IQANK1: variants seen among roughly 807,000 people sequenced by gnomAD.
IQANK1 encodes the protein IQ motif and ankyrin repeat domain-containing protein 1.
A neutral mutation model predicts 22.6 loss-of-function variants in IQANK1; 30 were observed. The ratio of observed to expected loss-of-function variants is 1.33; its 90% CI spans 0.99 to 1.80. IQANK1 has a LOEUF of 1.80. Among genes scored for constraint, IQANK1 ranks in the 40% most tolerant of loss-of-function variants. The probability of loss-of-function intolerance (pLI) is 0.00; values close to 1 mark genes in which losing one functional copy is unlikely to be tolerated. For synonymous variants in IQANK1, 122 were observed against 99.6 expected (o/e 1.23, Z -1.34); for missense variants, 275 against 235.2 (o/e 1.17, Z -1.11).
intron 3 of IQANK1, among the ~76,000 whole-genome samples, chr8:143,740,827 G>A (rs537678705): frequency 1.3e-5 from 2 of 152,380 alleles, no homozygotes; most frequent in East Asian, 3.9e-4. Context: ...ACCCTGTCCT[G>A]AGGACGGGAG....
At chr8:143,742,647 C>T in intron 3 of IQANK1, 1 of 456,048 alleles carries the variant, frequency 2.2e-6, no homozygotes, top group Admixed American at 2.3e-5. Flanking sequence ...AGAATAGCCT[C>T]CACCAGGAAG....
In IQANK1 at chr8:143,789,044, G is replaced by C; in HGVS notation, c.919G>C (p.Glu307Gln). ...AQEAQRHKEA[E>Q]AERCGSMTLK... ...GGAGGCCCAGAGGCACAAGGAGGCC[G>C]AGGCTGAGCGGTGTGGAAGGCAGGA... Residue 307 changes from glutamate to glutamine, a missense_variant, in exon 8 of 14, where the codon GAG (glutamate) becomes CAG (glutamine). Physicochemically the swap from Glu to Gln is conservative, Grantham distance 29. Transcript: ENST00000527139. 1 of 400,558 alleles carries C rather than the reference G, an allele frequency of 2.5e-6. No individual in the cohort carries two copies. The highest frequency in any genetic ancestry group is 3.6e-5 in the East Asian group (1 of 28,072). 24.8% of individuals were successfully genotyped at this position (400,558 alleles called of 1,614,324 possible). A position where few individuals can be genotyped will look rare whatever the true frequency, so the allele number is the denominator to read the frequency against.
intron 3 of IQANK1, among the ~76,000 whole-genome samples, chr8:143,748,906 C>T (rs1235010186): frequency 3.1e-5 from 1 of 32,714 alleles, no homozygotes; most frequent in South Asian, 1.1e-3. Flanking sequence ...TAAAAATATA[C>T]ATATATATCT....
chr8:143,736,388 G>A (rs1199729696), intron 2 of IQANK1, among the ~76,000 whole-genome samples: 3 of 151,942 alleles, frequency 2.0e-5, no homozygotes, highest in East Asian at 3.9e-4. Flanking sequence ...CAGGTGATCC[G>A]CCCGCCTCGG....
Position 143,735,730 on chromosome 8 carries a change from C to G in IQANK1, c.-4-120C>G. ...ACCAGCTGGGAAGCCTCAGGGGAGCCCATGTTCCTGCTGTCATCCACTCAG... is the reference window on the plus strand; with the variant it reads ...ACCAGCTGGGAAGCCTCAGGGGAGCGCATGTTCCTGCTGTCATCCACTCAG... On this transcript the variant is annotated intron_variant, in intron 1 of 13. Coordinates refer to ENST00000527139, the MANE Select transcript of IQANK1 (RefSeq NM_001381874.1). This position sits in a 1 kb window ranked among gnomAD's most constrained non-coding sequence, Gnocchi z 5.2. The G allele has an allele frequency of 1.6e-6, 1 of 640,144 alleles. No homozygotes were observed. Among genetic ancestry groups the G allele is most frequent in the Admixed American group, 2.2e-5 (1 of 45,864 alleles). 39.7% of individuals were successfully genotyped at this position (640,144 alleles called of 1,614,324 possible).
chr8:143,771,527 C>A lies in IQANK1; in HGVS notation c.215C>A (p.Ala72Asp). The A allele has an allele frequency of 1.3e-5, 5 of 398,190 alleles. No homozygotes were observed. The highest frequency in any genetic ancestry group is 1.8e-5 in the Non-Finnish European group (4 of 225,794). The allele number at this position is 398,190 out of a possible 1,614,324, so 24.7% of individuals were successfully genotyped here. A position where few individuals can be genotyped will look rare whatever the true frequency, so the allele number is the denominator to read the frequency against. ...CGAGCGGCCAGAGCGATCCAGGGCG[C>A]CTTCCGGCAGCTCCGGGCCAGGAGG... ...EDRAARAIQG[A>D]FRQLRARREL... is the part of the protein sequence containing the mutation. Residue 72 changes from alanine to aspartate, a missense_variant, in exon 4 of 14, where the codon GCC becomes GAC. Transcript: ENST00000527139. The surrounding 1 kb of genome is among the most constrained non-coding windows in gnomAD (Gnocchi z 6.0).
intron 7 of IQANK1, among the ~76,000 whole-genome samples, chr8:143,773,319 A>AC (rs1563777422): frequency 8.8e-4 from 95 of 108,402 alleles, no homozygotes; most frequent in African/African-American, 3.7e-3. Flanking sequence ...AAAAAAAACA[A>AC]AAAAAACACA....
chr8:143,750,395 C>T (rs1819166584), intron 3 of IQANK1, among the ~76,000 whole-genome samples: 1 of 152,032 alleles, frequency 6.6e-6, no homozygotes, highest in African/African-American at 2.4e-5. Context: ...ATATCTTTTT[C>T]TATGTTTTCA....
At position 143,790,367 on chromosome 8, in the gene IQANK1, TGTTCGA is replaced by T; in HGVS notation, c.1443_1448del (p.Phe482_Asp483del). ...TGGGGCAGGTATGGGAAGCCGCTGG[TGTTCGA>T]CCTGCGAGAGGAAGACCTGTTCCCA... On this transcript the variant is annotated inframe_deletion, in exon 14 of 14. Transcript: ENST00000527139. 1 of 1,086,632 alleles carries T rather than the reference TGTTCGA, an allele frequency of 9.2e-7. No individual in the cohort carries two copies. Among genetic ancestry groups the T allele is most frequent in the Non-Finnish European group, 1.2e-6 (1 of 855,858 alleles). 67.3% of individuals were successfully genotyped at this position (1,086,632 alleles called of 1,614,324 possible).
chr8:143,752,996 G>GTTTTTTTTTTTTTTTTTT (rs34993930), intron 3 of IQANK1, among the ~76,000 whole-genome samples: 1 of 69,904 alleles, frequency 1.4e-5, no homozygotes, highest in Non-Finnish European at 2.4e-5. Flanking sequence ...CTCTCTGTTC[G>GTTTTTTTTTTTTTTTTTT]TTTTTTTTTT....
At chr8:143,770,779 C>G (rs1819556581) in intron 3 of IQANK1, among the ~76,000 whole-genome samples, 1 of 152,282 alleles carries the variant, frequency 6.6e-6, no homozygotes. Context: ...GGAAGCGCCA[C>G]AAGCGCCCCA....
chr8:143,782,468 T>C (rs1554631028), intron 7 of IQANK1, among the ~76,000 whole-genome samples: 1 of 151,964 alleles, frequency 6.6e-6, no homozygotes, highest in African/African-American at 2.4e-5. Flanking sequence ...ACTTTCTTGC[T>C]TTTCTTTTTT....
At chr8:143,762,028 G>A (rs541993307) in intron 3 of IQANK1, among the ~76,000 whole-genome samples, 1 of 152,222 alleles carries the variant, frequency 6.6e-6, no homozygotes, top group South Asian at 2.1e-4. Context: ...GATTATGGGT[G>A]TCCAATCATT....
At chr8:143,752,996 G>GGTTTTTTTTTTT (rs368071885) in intron 3 of IQANK1, among the ~76,000 whole-genome samples, 1 of 69,904 alleles carries the variant, frequency 1.4e-5, no homozygotes, top group African/African-American at 6.2e-5. Context: ...CTCTCTGTTC[G>GGTTTTTTTTTTT]TTTTTTTTTT....
intron 7 of IQANK1, among the ~76,000 whole-genome samples, chr8:143,784,596 T>A (rs868925093): frequency 6.6e-6 from 1 of 152,250 alleles, no homozygotes; most frequent in South Asian, 2.1e-4. Flanking sequence ...AAAATGAGTT[T>A]ATTTTTTACT....
intron 3 of IQANK1, chr8:143,745,303 C>T (rs958557205): frequency 6.6e-6 from 1 of 152,254 alleles, no homozygotes; most frequent in Admixed American, 6.5e-5. Flanking sequence ...CAGAATCCCA[C>T]ATCCCAGTTG....
rs1396633599 is a variant in IQANK1 at position 143,790,124 on chromosome 8, T to G, written c.1290-13T>G. On this transcript the variant is annotated splice_polypyrimidine_tract_variant and intron_variant, in intron 12 of 13. Coordinates refer to ENST00000527139, the MANE Select transcript of IQANK1 (RefSeq NM_001381874.1). ...GTTTGGACAGACAGCAGTGACCTGA[T>G]GGGTGTCCCCAGGTGGCCTCTTGTT... The G allele has an allele frequency of 3.2e-6, 4 of 1,231,976 alleles. No homozygotes were observed. Among genetic ancestry groups the G allele is most frequent in the Non-Finnish European group, 3.0e-6 (3 of 987,998 alleles). The allele number at this position is 1,231,976 out of a possible 1,614,324, so 76.3% of individuals were successfully genotyped here.
chr8:143,761,758 CTA>C lies in IQANK1; in HGVS notation c.176-9726_176-9725del, dbSNP rs797043727. 6.0e-4 allele frequency among the ~76,000 whole-genome samples: 91 copies of C among 151,580 alleles called. 2 individuals carry two copies. The highest frequency in any genetic ancestry group is 1.8e-3 in the African/African-American group (74 of 41,316). ...AGCCCATAAACATGGAGCCTTATAG[CTA>C]TATGTAAGGTTTTACAAATTAAATT... On this transcript the variant is annotated intron_variant, in intron 3 of 13. Transcript: ENST00000527139.
intron 2 of IQANK1, among the ~76,000 whole-genome samples, chr8:143,736,977 G>A (rs879977117): frequency 6.6e-5 from 10 of 152,156 alleles, no homozygotes; most frequent in Admixed American, 2.0e-4. Flanking sequence ...TCTGCTTAGA[G>A]TGGGCCTGGC....
Sources: gnomAD v4.1 joint callset for allele counts (sites outside exome capture counted in the v4.1 genomes callset) on GRCh38, gnomAD v4.1.1 for gene constraint, Gnocchi (gnomAD v3.1) non-coding constraint, MANE v1.5 for transcripts, NCBI Gene and HGNC (gene_info 2026-07-23, HGNC 2026-07-21) for gene names.